The following RALA variants were observed in gnomAD, a reference collection of about 807,000 sequenced individuals.
The protein encoded by RALA is ras-related protein Ral-A.
Under a neutral mutation model 24.0 loss-of-function variants are expected in RALA, and 5 were observed. The ratio of observed to expected loss-of-function variants is 0.21; its 90% CI spans 0.11 to 0.44. RALA has a LOEUF of 0.44. Ranked by LOEUF, RALA falls within the 20% of genes least tolerant of loss-of-function variation. RALA has a pLI of 0.99. For synonymous variants in RALA, 77 were observed against 83.8 expected, an observed-to-expected ratio of 0.92 and a Z score of 0.44; for missense variants, 95 against 241.2, an observed-to-expected ratio of 0.39 and a Z score of 4.01.
At chr7:39,663,340 C>T (rs1474977140) in intron 1 of RALA, among the ~76,000 whole-genome samples, 2 of 152,104 alleles carry the variant, frequency 1.3e-5, no homozygotes, top group Non-Finnish European at 2.9e-5. Context: ...TATTGTTGAG[C>T]TCAAATGTTG....
intron 1 of RALA, among the ~76,000 whole-genome samples, chr7:39,646,007 C>T (rs2115955480): frequency 6.6e-6 from 1 of 152,294 alleles, no homozygotes; most frequent in Admixed American, 6.5e-5. Flanking sequence ...TTTAGACAGA[C>T]TTGGACCATT....
intron 1 of RALA, among the ~76,000 whole-genome samples, chr7:39,638,002 T>C (rs1791713160): frequency 1.3e-5 from 2 of 152,224 alleles, no homozygotes; most frequent in African/African-American, 2.4e-5. Flanking sequence ...AGAAAATTAG[T>C]AACAATTCCA....
chr7:39,683,893 A>G (rs1467161886), intron 1 of RALA, among the ~76,000 whole-genome samples: 6 of 152,080 alleles, frequency 3.9e-5, no homozygotes, highest in East Asian at 3.8e-4. Flanking sequence ...GTATTAATTG[A>G]TATGGTAATG....
intron 4 of RALA, among the ~76,000 whole-genome samples, chr7:39,701,661 C>G (rs1401260808): frequency 4.6e-5 from 7 of 152,252 alleles, no homozygotes; most frequent in Non-Finnish European, 8.8e-5. Flanking sequence ...TGTCACAGAA[C>G]AAATGCTAGC....
chr7:39,653,770 A>C (rs1337297688), intron 1 of RALA, among the ~76,000 whole-genome samples: 2 of 152,176 alleles, frequency 1.3e-5, no homozygotes, highest in Non-Finnish European at 2.9e-5. Flanking sequence ...AGTACATTGT[A>C]CTTCCAGGTG....
chr7:39,681,604 G>A (rs1792604859), intron 1 of RALA, among the ~76,000 whole-genome samples: 2 of 151,918 alleles, frequency 1.3e-5, no homozygotes, highest in Non-Finnish European at 2.9e-5. Flanking sequence ...ATTTAAGTCA[G>A]CCAGCCTCAG....
intron 1 of RALA, among the ~76,000 whole-genome samples, chr7:39,652,514 T>C (rs1792036483): frequency 6.6e-6 from 1 of 152,192 alleles, no homozygotes; most frequent in Non-Finnish European, 1.5e-5. Context: ...GACTAGGATA[T>C]TCAAATCCTC....
At chr7:39,673,821 A>T (rs954988189) in intron 1 of RALA, among the ~76,000 whole-genome samples, 3 of 152,030 alleles carry the variant, frequency 2.0e-5, no homozygotes, top group Admixed American at 6.6e-5. Context: ...TTTTGTCATT[A>T]AAAATGATTT....
At chr7:39,647,833 C>T (rs766964520) in intron 1 of RALA, among the ~76,000 whole-genome samples, 11 of 152,110 alleles carry the variant, frequency 7.2e-5, no homozygotes, top group Non-Finnish European at 1.3e-4. Flanking sequence ...CTTGGACTTC[C>T]CAGACTCCAG....
chr7:39,687,366 G>A (rs1792724431), intron 2 of RALA, among the ~76,000 whole-genome samples: 2 of 151,778 alleles, frequency 1.3e-5, no homozygotes, highest in South Asian at 4.2e-4. Flanking sequence ...GGCGGAGCTT[G>A]CAGTGAGCCG....
rs1792072053 is a variant in RALA at position 39,654,938 on chromosome 7, T to G, written c.-38+31113T>G. On this transcript the variant is annotated intron_variant, in intron 1 of 4. Transcript: ENST00000005257. ...CAGCTAATTTAGTTTTTGTAGAGAC[T>G]GTATCTCACTATGTTGCCCAGGCTG... Among the ~76,000 whole-genome samples the G allele has an allele frequency of 2.6e-5, 4 of 152,076 alleles. No homozygotes were observed. In the South Asian group the frequency reaches 8.3e-4, roughly 31 times the overall value.
intron 1 of RALA, among the ~76,000 whole-genome samples, chr7:39,662,445 G>A (rs1462880002): frequency 6.6e-6 from 1 of 152,156 alleles, no homozygotes; most frequent in Non-Finnish European, 1.5e-5. Flanking sequence ...GCTTTTAACA[G>A]CACCAAAGTC....
At chr7:39,665,151 A>T (rs1340883172) in intron 1 of RALA, among the ~76,000 whole-genome samples, 2 of 151,606 alleles carry the variant, frequency 1.3e-5, no homozygotes, top group African/African-American at 2.4e-5. Flanking sequence ...CCTCCTTTCC[A>T]CCTCCTCCAC....
Position 39,626,658 on chromosome 7 carries a change from G to A in RALA, c.-38+2833G>A, listed in dbSNP as rs144837703. Among the ~76,000 whole-genome samples, 1,085 of 152,278 alleles carry A rather than the reference G, an allele frequency of 7.1e-3. 7 individuals are homozygous for A. Among genetic ancestry groups the A allele is most frequent in the Non-Finnish European group, 9.9e-3 (671 of 68,026 alleles). ...GGAAAAATGGTTGGGCATTTTTCCCGTGGGTGTCCCGGTAAAGTATTTGGA... is the reference window on the plus strand; with the variant it reads ...GGAAAAATGGTTGGGCATTTTTCCCATGGGTGTCCCGGTAAAGTATTTGGA... On this transcript the variant is annotated intron_variant, in intron 1 of 4. Transcript: ENST00000005257.
intron 1 of RALA, among the ~76,000 whole-genome samples, chr7:39,645,942 T>C (rs1389356270): frequency 1.3e-5 from 2 of 152,146 alleles, no homozygotes; most frequent in African/African-American, 4.8e-5. Context: ...AAACACCTTA[T>C]TTCAGGTCAG....
intron 1 of RALA, among the ~76,000 whole-genome samples, chr7:39,672,205 G>C (rs946678911): frequency 6.6e-6 from 1 of 152,008 alleles, no homozygotes; most frequent in South Asian, 2.1e-4. Flanking sequence ...AATATATAAA[G>C]AACTCTTAAA....
chr7:39,667,532 T>C (rs1011157282), intron 1 of RALA, among the ~76,000 whole-genome samples: 4 of 152,192 alleles, frequency 2.6e-5, no homozygotes, highest in African/African-American at 4.8e-5. Context: ...GAGGGAGGCC[T>C]GTAGGGGGAA....
chr7:39,682,302 C>T (rs181878669), intron 1 of RALA, among the ~76,000 whole-genome samples: 104 of 151,378 alleles, frequency 6.9e-4, no homozygotes, highest in African/African-American at 2.4e-3. Flanking sequence ...ACTGGTAATA[C>T]CATTGCTGCT....
intron 4 of RALA, among the ~76,000 whole-genome samples, chr7:39,697,967 GTGTGTGTA>G (rs1280998046): frequency 4.4e-5 from 6 of 137,566 alleles, no homozygotes; most frequent in East Asian, 2.0e-4. Flanking sequence ...GTGTGTGTGT[GTGTGTGTA>G]TGTGTGTGTA....
Sources: allele counts gnomAD v4.1 joint callset (sites outside exome capture counted in the v4.1 genomes callset), GRCh38; gene constraint gnomAD v4.1.1; transcripts MANE v1.5; gene names NCBI Gene and HGNC (gene_info 2026-07-23, HGNC 2026-07-21).